The following PTPRN2 variants were observed in gnomAD, a reference collection of about 807,000 sequenced individuals.
PTPRN2 encodes receptor-type tyrosine-protein phosphatase N2.
PTPRN2 carries 74 observed loss-of-function variants against 118.8 expected under a neutral mutation model. That is an observed-to-expected ratio of 0.62 (90% CI 0.52 to 0.76). PTPRN2 has a LOEUF of 0.76. PTPRN2 is among the 30% of genes least tolerant of loss of function. The pLI, the probability that PTPRN2 is intolerant of heterozygous loss-of-function variation, is 0.00. For synonymous variants in PTPRN2, 641 were observed against 608.0 expected, an observed-to-expected ratio of 1.05 and a Z score of -0.80; for missense variants, 1,481 against 1,394.4, an observed-to-expected ratio of 1.06 and a Z score of -0.99.
intron 2 of PTPRN2, among the ~76,000 whole-genome samples, chr7:158,320,512 TCAG>T (rs1802915008): frequency 1.1e-5 from 1 of 91,464 alleles, no homozygotes; most frequent in Non-Finnish European, 2.4e-5. Context: ...GCCCGCATCC[TCAG>T]CAGCGCCAGG....
chr7:158,330,058 CACACTCTCACCATAAGAGCTGACACCT>C (rs1317804567), intron 2 of PTPRN2, among the ~76,000 whole-genome samples: 96 of 149,996 alleles, frequency 6.4e-4, no homozygotes, highest in African/African-American at 1.4e-3. Context: ...CACTCACACC[CACACTCTCACCATAAGAGCTGACACCT>C]GCAGACGTCA....
intron 2 of PTPRN2, among the ~76,000 whole-genome samples, chr7:158,352,598 C>T (rs1304190651): frequency 1.3e-5 from 2 of 152,192 alleles, no homozygotes; most frequent in Non-Finnish European, 2.9e-5. Context: ...GCAGAAGCAT[C>T]GTGCAGCTAG....
intron 17 of PTPRN2, among the ~76,000 whole-genome samples, chr7:157,584,315 A>G (rs1004061892): frequency 3.3e-5 from 5 of 152,046 alleles, no homozygotes; most frequent in Non-Finnish European, 7.4e-5. Flanking sequence ...CCAGACTATC[A>G]TCTCTTTAAA....
chr7:157,659,954 A>G (rs527801379), intron 13 of PTPRN2, among the ~76,000 whole-genome samples: 1 of 152,264 alleles, frequency 6.6e-6, no homozygotes, highest in South Asian at 2.1e-4. Flanking sequence ...CATATTGGCC[A>G]GGCTGGTCTC....
rs557315202 is a variant in PTPRN2 at position 158,161,640 on chromosome 7, A to C, written c.910+5291T>G. On this transcript the variant is annotated intron_variant, in intron 6 of 22. Transcript: ENST00000389418. Reference sequence around the variant, plus strand: ...AACCATAAAACTCCTTAAAGGTAAGAGAGGAGAAACTCTGGATGACCTTGG... The same window carrying C: ...AACCATAAAACTCCTTAAAGGTAAGCGAGGAGAAACTCTGGATGACCTTGG... Among the ~76,000 whole-genome samples, 9 of 152,340 alleles carry C rather than the reference A, an allele frequency of 5.9e-5. No homozygotes were observed. In the South Asian group the frequency reaches 1.9e-3, roughly 32 times the overall value.
intron 11 of PTPRN2, among the ~76,000 whole-genome samples, chr7:157,995,890 G>T (rs1003166756): frequency 9.9e-5 from 15 of 152,214 alleles, no homozygotes; most frequent in Non-Finnish European, 2.1e-4. Flanking sequence ...TCCATCAGTG[G>T]ATGAATGGAT....
rs1804171617 is a variant in PTPRN2 at position 157,990,544 on chromosome 7, TGGGCAGG to T, written c.1723+90747_1723+90753del. ...CCCTGCACCCACCTCTGGCAAGTTC[TGGGCAGG>T]GGGAGAGCGACACAAGGCAAGGGAG... On this transcript the variant is annotated intron_variant, in intron 11 of 22. Transcript: ENST00000389418. The surrounding 1 kb of genome is among the most constrained non-coding windows in gnomAD (Gnocchi z 4.3). Among the ~76,000 whole-genome samples, 1 of 151,812 alleles carries T rather than the reference TGGGCAGG, an allele frequency of 6.6e-6. No individual in the cohort carries two copies.
intron 18 of PTPRN2, 82 bp from the exon 19 acceptor site, chr7:157,576,861 C>T: frequency 5.1e-6 from 7 of 1,361,788 alleles, no homozygotes. Flanking sequence ...GAACCCAGGG[C>T]CACGTCTGAC....
chr7:157,898,975 G>A (rs1262803087), intron 11 of PTPRN2, among the ~76,000 whole-genome samples: 1 of 152,246 alleles, frequency 6.6e-6, no homozygotes, highest in African/African-American at 2.4e-5. Flanking sequence ...GTTTCATCTA[G>A]AAAGGGGTGT....
chr7:158,354,009 G>GC (rs1259827429), intron 2 of PTPRN2, among the ~76,000 whole-genome samples: 11 of 152,278 alleles, frequency 7.2e-5, no homozygotes, highest in Admixed American at 7.2e-4. Context: ...GTGGCCACTC[G>GC]CAGCCCCACG....
chr7:158,434,524 C>A (rs904950414), intron 2 of PTPRN2, among the ~76,000 whole-genome samples: 9 of 152,012 alleles, frequency 5.9e-5, no homozygotes, highest in Non-Finnish European at 8.8e-5. Context: ...GTATTCTCTT[C>A]CAGCGTTTCA....
At chr7:158,092,274 A>ATG (rs1234933125) in intron 10 of PTPRN2, among the ~76,000 whole-genome samples, 141 of 132,822 alleles carry the variant, frequency 1.1e-3, no homozygotes, top group African/African-American at 3.6e-3. Flanking sequence ...ATATACATAT[A>ATG]TGTGTGTGTG....
chr7:158,564,026 T>A (rs1468591175), intron 1 of PTPRN2, among the ~76,000 whole-genome samples: 1 of 152,090 alleles, frequency 6.6e-6, no homozygotes, highest in Non-Finnish European at 1.5e-5. Context: ...TATACAAAGA[T>A]GATACAAAGA....
intron 2 of PTPRN2, among the ~76,000 whole-genome samples, chr7:158,344,574 A>G (rs937683082): frequency 2.0e-5 from 3 of 152,206 alleles, no homozygotes; most frequent in African/African-American, 7.2e-5. Context: ...CTGGAATCGC[A>G]TAAAACGTGG....
Position 157,711,463 on chromosome 7 carries a change from CTG to C in PTPRN2, c.1789-28528_1789-28527del, listed in dbSNP as rs1798613878. On this transcript the variant is annotated intron_variant, in intron 12 of 22. Coordinates refer to ENST00000389418, the MANE Select transcript of PTPRN2 (RefSeq NM_002847.5). ...CGCGCCGGAGGTCCGGTTTGTGCAC[CTG>C]CACACGGGTCCTGTCTGTGCTCCCC... Among the ~76,000 whole-genome samples, 2 of 46,394 alleles carry C rather than the reference CTG, an allele frequency of 4.3e-5. 1 individual carries two copies. The highest frequency in any genetic ancestry group is 1.5e-4 in the Non-Finnish European group (2 of 13,418). 30.4% of individuals were successfully genotyped at this position (46,394 alleles called of 152,430 possible). A position where few individuals can be genotyped will look rare whatever the true frequency, so the allele number is the denominator to read the frequency against.
At chr7:157,694,875 T>C (rs985810318) in intron 12 of PTPRN2, among the ~76,000 whole-genome samples, 7 of 152,108 alleles carry the variant, frequency 4.6e-5, no homozygotes, top group Non-Finnish European at 8.8e-5. Context: ...ACACAAAATA[T>C]TTTTGAGAGA....
At chr7:157,822,607 C>G (rs115051924) in intron 12 of PTPRN2, among the ~76,000 whole-genome samples, 2,278 of 152,098 alleles carry the variant, frequency 0.015, 59 homozygotes, top group African/African-American at 0.052. Context: ...CAATCATCCA[C>G]TATCCATCAT....
chr7:158,583,819 AG>A (rs1396930509), intron 1 of PTPRN2, among the ~76,000 whole-genome samples: 1 of 152,220 alleles, frequency 6.6e-6, no homozygotes, highest in Admixed American at 6.5e-5. Context: ...CAGATGTGCA[AG>A]GAGCAGGCTC....
chr7:158,256,481 A>G (rs1254351737), intron 3 of PTPRN2, among the ~76,000 whole-genome samples: 3 of 152,016 alleles, frequency 2.0e-5, no homozygotes, highest in African/African-American at 7.3e-5. Flanking sequence ...TAGATGGTGG[A>G]CCATTGGCAG....
Sources: allele counts gnomAD v4.1 joint callset (sites outside exome capture counted in the v4.1 genomes callset), GRCh38; gene constraint gnomAD v4.1.1; non-coding constraint Gnocchi (gnomAD v3.1); transcripts MANE v1.5; gene names NCBI Gene and HGNC (gene_info 2026-07-23, HGNC 2026-07-21).